The following ILRUN variants were observed in gnomAD, a reference collection of about 807,000 sequenced individuals.
ILRUN encodes the protein inflammation and lipid regulator with UBA-like and NBR1-like domains, also known as protein ILRUN.
In ILRUN, 3 loss-of-function variants were observed where a neutral mutation model predicts 33.8. The ratio of observed to expected loss-of-function variants is 0.09; its 90% CI spans 0.04 to 0.23. ILRUN has a LOEUF of 0.23. Among genes scored for constraint, ILRUN ranks in the 10% least tolerant of loss-of-function variants. ILRUN has a pLI of 1.00. For missense variants in ILRUN, 210 were observed against 375.1 expected (o/e 0.56, Z 3.64); for synonymous variants, 124 against 138.9 (o/e 0.89, Z 0.75).
intron 3 of ILRUN, among the ~76,000 whole-genome samples, chr6:34,634,841 TAGA>T (rs1279650175): frequency 6.6e-6 from 1 of 151,970 alleles, no homozygotes; most frequent in African/African-American, 2.4e-5. Context: ...AATTCTTTAG[TAGA>T]AGAATAACAC....
At chr6:34,645,139 C>G (rs1029877950) in intron 3 of ILRUN, among the ~76,000 whole-genome samples, 7 of 152,156 alleles carry the variant, frequency 4.6e-5, no homozygotes, top group Non-Finnish European at 1.0e-4. Flanking sequence ...TCTAGGATGT[C>G]TAGAAACAAC....
In ILRUN at chr6:34,597,573, C is replaced by A. The variant is rs577505675; in HGVS notation, c.862-6973G>T. Among the ~76,000 whole-genome samples, 11 of 152,322 alleles carry A rather than the reference C, an allele frequency of 7.2e-5. No individual in the cohort carries two copies. The South Asian group carries it at 2.1e-3, about 29-fold the overall frequency. On this transcript the variant is annotated intron_variant, in intron 4 of 4. Coordinates refer to ENST00000374023, the MANE Select transcript of ILRUN (RefSeq NM_024294.4). ...ACAAGCCATCATCTCCCCTGTGTGT[C>A]TTACAATTAATTGACAGGCATCAGC...
At chr6:34,636,059 CCAACCCTGG>C (rs1294677046) in intron 3 of ILRUN, among the ~76,000 whole-genome samples, 4 of 152,096 alleles carry the variant, frequency 2.6e-5, no homozygotes, top group Admixed American at 2.6e-4. Flanking sequence ...GAATTATAGA[CCAACCCTGG>C]CAATGCAGTG....
chr6:34,614,835 T>C (rs1474621877), intron 3 of ILRUN, among the ~76,000 whole-genome samples: 1 of 152,154 alleles, frequency 6.6e-6, no homozygotes, highest in Admixed American at 6.5e-5. Flanking sequence ...TTTACCTCTG[T>C]GGTATTCTTT....
intron 1 of ILRUN, among the ~76,000 whole-genome samples, chr6:34,668,313 T>C (rs553447149): frequency 6.6e-6 from 1 of 152,298 alleles, no homozygotes; most frequent in African/African-American, 2.4e-5. Flanking sequence ...GTCTCACAAG[T>C]GAAATGTTCA....
chr6:34,632,642 A>G (rs893931355), intron 3 of ILRUN, among the ~76,000 whole-genome samples: 1 of 147,542 alleles, frequency 6.8e-6, no homozygotes, highest in African/African-American at 2.5e-5. Flanking sequence ...CAGCCTCCCG[A>G]GTAGCTGGGA....
intron 3 of ILRUN, among the ~76,000 whole-genome samples, chr6:34,627,591 T>C (rs1030865196): frequency 6.6e-6 from 1 of 152,222 alleles, no homozygotes; most frequent in Non-Finnish European, 1.5e-5. Context: ...TCATAGTTGT[T>C]TTAACTTGTA....
intron 3 of ILRUN, among the ~76,000 whole-genome samples, chr6:34,640,149 T>TG (rs1311027596): frequency 6.6e-6 from 1 of 151,812 alleles, no homozygotes; most frequent in Non-Finnish European, 1.5e-5. Context: ...ATTTGTGTGG[T>TG]GGGGGACAGT....
intron 3 of ILRUN, chr6:34,617,318 ATTG>A: frequency 3.1e-6 from 1 of 319,356 alleles, no homozygotes; most frequent in Non-Finnish European, 6.1e-6. Context: ...GCGCTCTCAA[ATTG>A]AAAAAAAAAG....
chr6:34,639,699 T>C (rs757620516), intron 3 of ILRUN, among the ~76,000 whole-genome samples: 2 of 152,118 alleles, frequency 1.3e-5, no homozygotes, highest in African/African-American at 2.4e-5. Flanking sequence ...CTCACTAAAC[T>C]CTAACAAGTA....
intron 3 of ILRUN, among the ~76,000 whole-genome samples, chr6:34,611,219 T>A (rs372318644): frequency 3.6e-4 from 55 of 152,010 alleles, no homozygotes; most frequent in East Asian, 2.3e-3. Flanking sequence ...AGTATTGGGA[T>A]TACAGGCATA....
chr6:34,687,025 T>G (rs1763536334), intron 1 of ILRUN: 1 of 184,174 alleles, frequency 5.4e-6, no homozygotes, highest in Non-Finnish European at 1.2e-5. Context: ...ACTGCAGATG[T>G]AAAAGAATGC....
intron 3 of ILRUN, among the ~76,000 whole-genome samples, chr6:34,625,889 C>T (rs1201782993): frequency 1.5e-5 from 2 of 136,068 alleles, no homozygotes; most frequent in African/African-American, 2.7e-5. Context: ...CTCGCTCTGT[C>T]GCTCAGGCTG....
chr6:34,641,173 T>C (rs1331996484), intron 3 of ILRUN, among the ~76,000 whole-genome samples: 1 of 151,604 alleles, frequency 6.6e-6, no homozygotes, highest in African/African-American at 2.4e-5. Context: ...AACAGAAAGA[T>C]GAGGTCCAGA....
chr6:34,597,315 GA>G (rs1235884412), intron 4 of ILRUN, among the ~76,000 whole-genome samples: 1 of 152,222 alleles, frequency 6.6e-6, no homozygotes, highest in African/African-American at 2.4e-5. Context: ...ATCCAAGTGG[GA>G]TGCTGTTATA....
At chr6:34,635,224 T>C (rs561413446) in intron 3 of ILRUN, among the ~76,000 whole-genome samples, 15 of 152,116 alleles carry the variant, frequency 9.9e-5, no homozygotes, top group African/African-American at 3.6e-4. Context: ...CAAAACAAAC[T>C]ATAAGCAAAA....
At chr6:34,593,083 GCCAGAGGATCACTTGAGC>G (rs2127307041) in intron 4 of ILRUN, among the ~76,000 whole-genome samples, 1 of 152,204 alleles carries the variant, frequency 6.6e-6, no homozygotes, top group African/African-American at 2.4e-5. Context: ...GGAGGCTGAG[GCCAGAGGATCACTTGAGC>G]CCAGGAGGTC....
At position 34,637,864 on chromosome 6, in the gene ILRUN, CTGTTGTTGTTGT is replaced by C. The variant is rs57559266; in HGVS notation, c.511+8725_511+8736del. Among the ~76,000 whole-genome samples the C allele has an allele frequency of 6.6e-4, 94 of 142,020 alleles. 1 individual carries two copies. The highest frequency in any genetic ancestry group is 3.3e-3 in the Admixed American group (46 of 13,968). 93.2% of individuals were successfully genotyped at this position (142,020 alleles called of 152,430 possible). On this transcript the variant is annotated intron_variant, in intron 3 of 4. Transcript: ENST00000374023. ...GTTGTTGCTGCTGCTGCTGCTGCTG[CTGTTGTTGTTGT>C]TGTTGTTGTTGTTGTTGTTGTTGTT...
intron 3 of ILRUN, among the ~76,000 whole-genome samples, chr6:34,637,864 CTGTTGTTGTTGTTGT>C (rs57559266): frequency 7.0e-6 from 1 of 141,930 alleles, no homozygotes; most frequent in African/African-American, 2.7e-5. Flanking sequence ...GCTGCTGCTG[CTGTTGTTGTTGTTGT>C]TGTTGTTGTT....
Sources: allele counts gnomAD v4.1 joint callset (sites outside exome capture counted in the v4.1 genomes callset), GRCh38; gene constraint gnomAD v4.1.1; transcripts MANE v1.5; gene names NCBI Gene and HGNC (gene_info 2026-07-23, HGNC 2026-07-21).